AKAP13: variants seen among roughly 807,000 people sequenced by gnomAD.
The protein encoded by AKAP13 is A-kinase anchoring protein 13.
In AKAP13, 80 loss-of-function variants were observed where a neutral mutation model predicts 264.5. That is an observed-to-expected ratio of 0.30 (90% CI 0.25 to 0.36). AKAP13 has a LOEUF of 0.36. Among genes scored for constraint, AKAP13 ranks in the 10% least tolerant of loss-of-function variants. The pLI, the probability that AKAP13 is intolerant of heterozygous loss-of-function variation, is 1.00. For synonymous variants in AKAP13, 1,380 were observed against 1,250.2 expected, an observed-to-expected ratio of 1.10 and a Z score of -2.19; for missense variants, 3,712 against 3,435.2, an observed-to-expected ratio of 1.08 and a Z score of -2.01.
chr15:85,503,971 G>A (rs185058682), intron 2 of AKAP13, among the ~76,000 whole-genome samples: 1 of 152,164 alleles, frequency 6.6e-6, no homozygotes, highest in Non-Finnish European at 1.5e-5. Flanking sequence ...TTTGTGTGCT[G>A]TGTGTTGAAG....
rs902526146 is a variant in AKAP13, at chr15:85,630,182, C to T, written c.4162-9192C>T. 3.6e-4 allele frequency among the ~76,000 whole-genome samples: 27 copies of T among 75,358 alleles called. 1 individual carries two copies. Among genetic ancestry groups the T allele is most frequent in the South Asian group, 2.6e-3 (6 of 2,334 alleles). The allele number at this position is 75,358 out of a possible 152,430, so 49.4% of individuals were successfully genotyped here. ...TTTAACACATACACACACACACACA[C>T]ACACACACACACACACACACACACA... On this transcript the variant is annotated intron_variant, in intron 8 of 36. Transcript: ENST00000394518.
At chr15:85,466,795 TA>T (rs2074758035) in intron 1 of AKAP13, among the ~76,000 whole-genome samples, 1 of 152,238 alleles carries the variant, frequency 6.6e-6, no homozygotes, top group African/African-American at 2.4e-5. Context: ...GCTCAGTTGT[TA>T]AGCTTTGGAA....
chr15:85,391,840 A>G (rs1322970610), intron 1 of AKAP13, among the ~76,000 whole-genome samples: 1 of 151,810 alleles, frequency 6.6e-6, no homozygotes, highest in Non-Finnish European at 1.5e-5. Flanking sequence ...GCTGGAGTGC[A>G]GCGGTGCGAT....
chr15:85,673,666 C>CTTTTTTTTTTT lies in AKAP13; in HGVS notation c.5101+3852_5101+3862dup, dbSNP rs386383664. ...TTACAGATGATCCCTTTCTTTCTTT[C>CTTTTTTTTTTT]TTTTTTTTTTTTTTTTTTTTTTTTT... On this transcript the variant is annotated intron_variant, in intron 14 of 36. Transcript: ENST00000394518. Among the ~76,000 whole-genome samples, 245 of 77,554 alleles carry CTTTTTTTTTTT rather than the reference C, an allele frequency of 3.2e-3. 10 individuals carry two copies. Among genetic ancestry groups the CTTTTTTTTTTT allele is most frequent in the East Asian group, 0.01 (22 of 2,132 alleles). The allele number at this position is 77,554 out of a possible 152,430, so 50.9% of individuals were successfully genotyped here.
chr15:85,649,280 A>G (rs538818158), intron 10 of AKAP13, among the ~76,000 whole-genome samples: 11 of 152,320 alleles, frequency 7.2e-5, no homozygotes, highest in Admixed American at 2.0e-4. Flanking sequence ...GTTTGCATCT[A>G]GGCCTGACTC....
chr15:85,498,407 T>C (rs950485023), intron 2 of AKAP13, among the ~76,000 whole-genome samples: 4 of 152,166 alleles, frequency 2.6e-5, no homozygotes, highest in African/African-American at 4.8e-5. Context: ...AACTACCTTT[T>C]ACTGAACACC....
intron 7 of AKAP13, among the ~76,000 whole-genome samples, chr15:85,584,141 A>G (rs967575991): frequency 6.6e-6 from 1 of 152,206 alleles, no homozygotes; most frequent in Non-Finnish European, 1.5e-5. Context: ...CATTCTACTC[A>G]TAGATTTAAT....
At chr15:85,735,508 G>T (rs2088394808) in intron 31 of AKAP13, 52 bp from the exon 32 acceptor site, 2 of 1,561,226 alleles carry the variant, frequency 1.3e-6, no homozygotes, top group African/African-American at 1.4e-5. Context: ...TCTTTCCTTG[G>T]CTAATCTGTT....
chr15:85,592,072 A>G (rs1296525559), intron 8 of AKAP13, among the ~76,000 whole-genome samples: 2 of 133,586 alleles, frequency 1.5e-5, no homozygotes, highest in African/African-American at 5.7e-5. Context: ...TTTTTTGGCA[A>G]TTATACAGCC....
At chr15:85,739,462 G>C (rs778069773) in intron 33 of AKAP13, among the ~76,000 whole-genome samples, 1 of 151,490 alleles carries the variant, frequency 6.6e-6, no homozygotes, top group African/African-American at 2.4e-5. Context: ...TTTCTACTAG[G>C]GTATTTTTTT....
intron 5 of AKAP13, among the ~76,000 whole-genome samples, chr15:85,551,547 G>A (rs370067859): frequency 1.3e-5 from 2 of 152,176 alleles, no homozygotes; most frequent in South Asian, 2.1e-4. Flanking sequence ...ATTTAAAGTT[G>A]GTTGGAATCA....
intron 17 of AKAP13, among the ~76,000 whole-genome samples, chr15:85,700,301 C>A (rs2085835279): frequency 6.6e-6 from 1 of 152,200 alleles, no homozygotes; most frequent in Non-Finnish European, 1.5e-5. Context: ...CTTGATATGT[C>A]TTCCTGTTAA....
intron 9 of AKAP13, among the ~76,000 whole-genome samples, chr15:85,640,194 C>G (rs74025646): frequency 2.6e-5 from 4 of 152,198 alleles, no homozygotes; most frequent in Non-Finnish European, 5.9e-5. Flanking sequence ...TAGCCTGTCT[C>G]ATTTTGAGGG....
rs565460985 is a variant in AKAP13 at position 85,538,121 on chromosome 15, G to T, written c.478+4241G>T. Among the ~76,000 whole-genome samples, 3 of 152,174 alleles carry T rather than the reference G, an allele frequency of 2.0e-5. No individual in the cohort carries two copies. The East Asian group carries it at 5.8e-4, about 29-fold the overall frequency. Reference sequence around the variant, plus strand: ...GTTAGTGAAAATGGTAAGCTAGGGGGGTGTTTTCCCTGAGAGACCCTTGTG... The same window carrying T: ...GTTAGTGAAAATGGTAAGCTAGGGGTGTGTTTTCCCTGAGAGACCCTTGTG... On this transcript the variant is annotated intron_variant, in intron 4 of 36. Transcript: ENST00000394518.
intron 1 of AKAP13, among the ~76,000 whole-genome samples, chr15:85,467,331 C>A (rs2074781715): frequency 6.6e-6 from 1 of 152,142 alleles, no homozygotes; most frequent in South Asian, 2.1e-4. Flanking sequence ...TGATTTTGAA[C>A]TTGCCTACTT....
chr15:85,417,271 G>T (rs2150888058), intron 1 of AKAP13, among the ~76,000 whole-genome samples: 1 of 152,080 alleles, frequency 6.6e-6, no homozygotes, highest in East Asian at 1.9e-4. Context: ...TAGACTTTGA[G>T]ATTTTAGAAA....
chr15:85,397,591 A>G (rs542377580), intron 1 of AKAP13, among the ~76,000 whole-genome samples: 38 of 152,160 alleles, frequency 2.5e-4, no homozygotes, highest in Admixed American at 5.2e-4. Flanking sequence ...ACCATTATTG[A>G]TCTATTGGTA....
chr15:85,681,257 C>A (rs542694459), intron 14 of AKAP13, among the ~76,000 whole-genome samples: 1 of 152,152 alleles, frequency 6.6e-6, no homozygotes, highest in Non-Finnish European at 1.5e-5. Flanking sequence ...AATAGTGTTA[C>A]AGAGTAACCT....
intron 5 of AKAP13, among the ~76,000 whole-genome samples, chr15:85,548,423 A>G (rs1472223387): frequency 6.6e-6 from 1 of 152,186 alleles, no homozygotes; most frequent in Admixed American, 6.5e-5. Context: ...TTGGAGAAAG[A>G]TGGTAGTATA....
Sources: allele counts gnomAD v4.1 joint callset (sites outside exome capture counted in the v4.1 genomes callset), GRCh38; gene constraint gnomAD v4.1.1; transcripts MANE v1.5; gene names NCBI Gene and HGNC (gene_info 2026-07-23, HGNC 2026-07-21).